The following TAF1B variants were observed in gnomAD, a reference collection of about 807,000 sequenced individuals.
TAF1B encodes the protein TATA box-binding protein-associated factor RNA polymerase I subunit B.
TAF1B carries 61 observed loss-of-function variants against 83.9 expected under a neutral mutation model. The observed-to-expected ratio is 0.73, with a 90% CI of 0.59 to 0.90. TAF1B has a LOEUF of 0.90. Among genes scored for constraint, TAF1B ranks in the 40% least tolerant of loss-of-function variants. The pLI, the probability that TAF1B is intolerant of heterozygous loss-of-function variation, is 0.00. For missense variants in TAF1B, 625 were observed against 677.0 expected (o/e 0.92, Z 0.85); for synonymous variants, 221 against 224.6 (o/e 0.98, Z 0.14).
At chr2:9,885,812 A>C (rs913881822) in intron 8 of TAF1B, among the ~76,000 whole-genome samples, 1 of 149,714 alleles carries the variant, frequency 6.7e-6, no homozygotes. Flanking sequence ...TACTCAAGTT[A>C]TATTGATAAT....
intron 12 of TAF1B, among the ~76,000 whole-genome samples, chr2:9,915,139 T>C (rs1037926313): frequency 6.6e-6 from 1 of 152,172 alleles, no homozygotes; most frequent in African/African-American, 2.4e-5. Flanking sequence ...GGAGAAAAAT[T>C]AAGCCTGTGC....
intron 6 of TAF1B, among the ~76,000 whole-genome samples, chr2:9,869,867 A>G (rs1316188101): frequency 3.3e-5 from 5 of 151,888 alleles, no homozygotes; most frequent in African/African-American, 1.2e-4. Flanking sequence ...GCAAGACTCC[A>G]TCTCAAAAAA....
rs189902982 is a variant in TAF1B, at chr2:9,857,359, A to G, written c.399+2938A>G. 5.9e-4 allele frequency among the ~76,000 whole-genome samples: 90 copies of G among 152,324 alleles called. 1 individual carries two copies. The highest frequency in any genetic ancestry group is 1.9e-4 in the East Asian group (1 of 5,182). Reference sequence around the variant, plus strand: ...GAGGTGATAAGTGATAGGATTCTATATAAAGTCTGAAGATAGAGCCAACAG... The same window carrying G: ...GAGGTGATAAGTGATAGGATTCTATGTAAAGTCTGAAGATAGAGCCAACAG... On this transcript the variant is annotated intron_variant, in intron 5 of 14. Transcript: ENST00000263663.
At chr2:9,931,103 G>C (rs1234535825) in intron 14 of TAF1B, among the ~76,000 whole-genome samples, 1 of 152,026 alleles carries the variant, frequency 6.6e-6, no homozygotes, top group Non-Finnish European at 1.5e-5. Context: ...CACACTGATG[G>C]GTCTTGACTC....
chr2:9,857,520 T>A (rs1401295767), intron 5 of TAF1B, among the ~76,000 whole-genome samples: 5 of 152,284 alleles, frequency 3.3e-5, no homozygotes, highest in East Asian at 1.9e-4. Flanking sequence ...GGTCAGTGGT[T>A]CCATTTTGGA....
rs1275096570 is a variant in TAF1B, at chr2:9,933,784, T to C, written c.1567T>C (p.Tyr523His). Residue 523 changes from tyrosine (Y) to histidine (H), a missense_variant and splice_region_variant, in exon 15 of 15, where the codon TAT (tyrosine) becomes CAT (histidine). Physicochemically the swap from Tyr to His is moderately conservative, Grantham distance 83. Transcript: ENST00000263663. Reference protein sequence around the residue: ...WLSTQKFCRCYCTHVTTYEES... With the variant: ...WLSTQKFCRCHCTHVTTYEES... ...TTCTTTTTTCTTTTTCCCTTCTAGC[T>C]ATTGTACACATGTGACAACCTATGA... 5.0e-6 allele frequency: 8 copies of C among 1,606,068 alleles called. No homozygotes were observed. Among genetic ancestry groups the C allele is most frequent in the African/African-American group, 1.3e-5 (1 of 74,598 alleles).
At chr2:9,865,264 G>A (rs1281795278) in intron 5 of TAF1B, among the ~76,000 whole-genome samples, 2 of 152,042 alleles carry the variant, frequency 1.3e-5, no homozygotes, top group Non-Finnish European at 2.9e-5. Flanking sequence ...AAATCAATGT[G>A]CAAAAATCAC....
intron 2 of TAF1B, among the ~76,000 whole-genome samples, chr2:9,846,360 G>A (rs527403472): frequency 3.3e-5 from 5 of 152,336 alleles, no homozygotes; most frequent in African/African-American, 9.6e-5. Flanking sequence ...GATCAAGGGT[G>A]TAGAGAGTCT....
chr2:9,896,728 T>C (rs1665031676), intron 8 of TAF1B, among the ~76,000 whole-genome samples: 1 of 151,324 alleles, frequency 6.6e-6, no homozygotes, highest in African/African-American at 2.4e-5. Context: ...GGCCCCTCTG[T>C]CTTAATAACA....
At chr2:9,902,871 A>G (rs951486223) in intron 8 of TAF1B, among the ~76,000 whole-genome samples, 5 of 152,186 alleles carry the variant, frequency 3.3e-5, no homozygotes, top group Admixed American at 2.0e-4. Flanking sequence ...CTGTTCTACC[A>G]TATCAGAAAT....
rs1008115185 is a variant in TAF1B at position 9,914,647 on chromosome 2, T to C, written c.1271+1398T>C. Among the ~76,000 whole-genome samples, 6 of 152,244 alleles carry C rather than the reference T, an allele frequency of 3.9e-5. No homozygotes were observed. Among genetic ancestry groups the C allele is most frequent in the Admixed American group, 1.3e-4 (2 of 15,290 alleles). ...TGCACATTTAAGACTTACCGGCTTTTAGCTACTTTAGGGAATAATTTATTG... is the reference window on the plus strand; with the variant it reads ...TGCACATTTAAGACTTACCGGCTTTCAGCTACTTTAGGGAATAATTTATTG... On this transcript the variant is annotated intron_variant, in intron 12 of 14. Coordinates refer to ENST00000263663, the MANE Select transcript of TAF1B (RefSeq NM_005680.3). The surrounding 1 kb of genome is among the most constrained non-coding windows in gnomAD (Gnocchi z 4.3).
intron 5 of TAF1B, among the ~76,000 whole-genome samples, chr2:9,856,107 G>A (rs1394372428): frequency 3.3e-5 from 5 of 152,192 alleles, no homozygotes; most frequent in African/African-American, 1.2e-4. Context: ...GAGAGACCCA[G>A]TACTGAGAAA....
intron 6 of TAF1B, among the ~76,000 whole-genome samples, chr2:9,868,957 C>T (rs1044533207): frequency 1.3e-5 from 2 of 152,176 alleles, no homozygotes; most frequent in African/African-American, 2.4e-5. Context: ...AGTGTATCCA[C>T]ATCTCTTCCT....
intron 12 of TAF1B, among the ~76,000 whole-genome samples, chr2:9,918,724 CTT>C (rs1174770138): frequency 6.6e-6 from 1 of 152,214 alleles, no homozygotes; most frequent in African/African-American, 2.4e-5. Context: ...GGTAGCTTCA[CTT>C]TATGAGAATG....
chr2:9,850,581 C>CAGGTA (rs1663354003), intron 3 of TAF1B, among the ~76,000 whole-genome samples: 1 of 152,164 alleles, frequency 6.6e-6, no homozygotes, highest in Admixed American at 6.5e-5. Context: ...TTGTGACATT[C>CAGGTA]AGGTAAGGGA....
At chr2:9,869,689 A>G (rs1317044701) in intron 6 of TAF1B, among the ~76,000 whole-genome samples, 1 of 151,618 alleles carries the variant, frequency 6.6e-6, no homozygotes, top group Non-Finnish European at 1.5e-5. Context: ...CAGCCTGGCC[A>G]ACATGGAGAA....
At chr2:9,887,919 C>T (rs960901778) in intron 8 of TAF1B, among the ~76,000 whole-genome samples, 4 of 151,936 alleles carry the variant, frequency 2.6e-5, no homozygotes, top group African/African-American at 9.7e-5. Flanking sequence ...GTGGCATGAT[C>T]GTAGCTCACT....
At chr2:9,854,259 G>GTAGA in intron 4 of TAF1B, 67 bp from the exon 5 acceptor site, 1 of 1,053,750 alleles carries the variant, frequency 9.5e-7, no homozygotes, top group Admixed American at 1.7e-5. Flanking sequence ...GAGCTGTGGT[G>GTAGA]TAGATGTGCC....
intron 4 of TAF1B, among the ~76,000 whole-genome samples, chr2:9,852,295 T>C (rs761545887): frequency 1.3e-5 from 2 of 152,206 alleles, no homozygotes; most frequent in Non-Finnish European, 2.9e-5. Context: ...TTTCTGCAAT[T>C]ATTTGAATTT....
Sources: allele counts gnomAD v4.1 joint callset (sites outside exome capture counted in the v4.1 genomes callset), GRCh38; gene constraint gnomAD v4.1.1; non-coding constraint Gnocchi (gnomAD v3.1); transcripts MANE v1.5; gene names NCBI Gene and HGNC (gene_info 2026-07-23, HGNC 2026-07-21).